TMEM209: variants seen among roughly 807,000 people sequenced by gnomAD.
The protein encoded by TMEM209 is testicular tissue protein Li 202.
A neutral mutation model predicts 76.2 loss-of-function variants in TMEM209; 65 were observed. The ratio of observed to expected loss-of-function variants is 0.85; its 90% CI spans 0.70 to 1.05. The LOEUF (loss-of-function observed/expected upper bound fraction) is 1.05, where lower values mean the gene tolerates loss of function less well. Among genes scored for constraint, TMEM209 ranks in the 50% least tolerant of loss-of-function variants. TMEM209 has a pLI of 0.00. For missense variants in TMEM209, 623 were observed against 685.5 expected, an observed-to-expected ratio of 0.91 and a Z score of 1.02; for synonymous variants, 239 against 237.6, an observed-to-expected ratio of 1.01 and a Z score of -0.06.
intron 10 of TMEM209, among the ~76,000 whole-genome samples, chr7:130,176,279 A>ATT (rs752228646): frequency 2.1e-5 from 3 of 143,374 alleles, no homozygotes; most frequent in Admixed American, 6.9e-5. Context: ...CGCCCAGCTA[A>ATT]TTTTTTTTTT....
chr7:130,173,824 C>T lies in TMEM209; in HGVS notation c.1459+1G>A, dbSNP rs1416261260. On this transcript the variant is annotated splice_donor_variant, in intron 12 of 14. Transcript: ENST00000397622. LOFTEE classifies it high-confidence loss of function. ...CACATTCTTTTAGGAGAGGTTTATA[C>T]CTGGTTTATTTGGTGTCTGAACAAA... 6.2e-7 allele frequency: 1 copy of T among 1,612,962 alleles called. No individual in the cohort carries two copies. Among genetic ancestry groups the T allele is most frequent in the Admixed American group, 1.7e-5 (1 of 60,004 alleles).
chr7:130,170,495 CA>C, intron 13 of TMEM209, 22 bp from the exon 14 acceptor site: 3 of 1,596,270 alleles, frequency 1.9e-6, no homozygotes, highest in Non-Finnish European at 2.6e-6. Context: ...ACAAAAAAGA[CA>C]AGATTTAAAC....
intron 8 of TMEM209, among the ~76,000 whole-genome samples, chr7:130,183,853 C>T (rs1034552313): frequency 1.3e-5 from 2 of 152,040 alleles, no homozygotes; most frequent in Non-Finnish European, 2.9e-5. Flanking sequence ...TTTTGTTTCC[C>T]CTCACAATTC....
chr7:130,180,434 T>G (rs1250668036), intron 9 of TMEM209, among the ~76,000 whole-genome samples: 1 of 152,092 alleles, frequency 6.6e-6, no homozygotes, highest in African/African-American at 2.4e-5. Context: ...CCCCAGACGA[T>G]CTCGGCTCAC....
At chr7:130,180,406 C>T (rs566128470) in intron 9 of TMEM209, among the ~76,000 whole-genome samples, 13 of 152,076 alleles carry the variant, frequency 8.5e-5, no homozygotes, top group African/African-American at 1.2e-4. Flanking sequence ...CTCAAAGTCT[C>T]GAAGTCTCGC....
intron 6 of TMEM209, among the ~76,000 whole-genome samples, chr7:130,186,816 A>G (rs1314385059): frequency 6.6e-6 from 1 of 152,098 alleles, no homozygotes; most frequent in African/African-American, 2.4e-5. Context: ...AACAGCACAC[A>G]ATCTATAGCT....
intron 1 of TMEM209, 63 bp downstream of exon 1, chr7:130,205,310 G>C (rs1450410721): frequency 3.1e-6 from 5 of 1,613,478 alleles, no homozygotes; most frequent in Admixed American, 1.7e-5. Flanking sequence ...CAGCAGGCGC[G>C]GAACTCCCAC....
At chr7:130,201,687 T>C in intron 5 of TMEM209, 163 bp downstream of exon 5, 2 of 843,818 alleles carry the variant, frequency 2.4e-6, no homozygotes, top group Non-Finnish European at 1.8e-6. Context: ...CATTTTAAGA[T>C]GTTGTGTTTA....
rs1000672080 is a variant in TMEM209 at position 130,192,405 on chromosome 7, C to T, written c.775+217G>A. 7 of 516,412 alleles carry T rather than the reference C, an allele frequency of 1.4e-5. No individual in the cohort carries two copies. The South Asian group carries it at 1.5e-4, about 11-fold the overall frequency. 32.0% of individuals were successfully genotyped at this position (516,412 alleles called of 1,614,324 possible). On this transcript the variant is annotated intron_variant, in intron 6 of 14. Coordinates refer to ENST00000397622, the MANE Select transcript of TMEM209 (RefSeq NM_032842.4). Reference sequence around the variant, plus strand: ...TACATTATACGAAAAAGCTTTCAATCTTATTGTAGGTTTGAGATTTCTTAG... The same window carrying T: ...TACATTATACGAAAAAGCTTTCAATTTTATTGTAGGTTTGAGATTTCTTAG...
In TMEM209 at chr7:130,192,541, G is replaced by C. The variant is rs1385394758; in HGVS notation, c.775+81C>G. The C allele has an allele frequency of 1.2e-5, 14 of 1,170,714 alleles. 1 individual carries two copies. The Admixed American group carries it at 1.4e-4, about 12-fold the overall frequency. 72.5% of individuals were successfully genotyped at this position (1,170,714 alleles called of 1,614,324 possible). A position where few individuals can be genotyped will look rare whatever the true frequency, so the allele number is the denominator to read the frequency against. On this transcript the variant is annotated intron_variant, in intron 6 of 14. Transcript: ENST00000397622. ...CTAAGCTAATAAAGTATGTTAGTATGGATATTAAAATAATGAAAATAGTAG... is the reference window on the plus strand; with the variant it reads ...CTAAGCTAATAAAGTATGTTAGTATCGATATTAAAATAATGAAAATAGTAG...
At chr7:130,184,303 G>T in intron 7 of TMEM209, 48 bp from the exon 8 acceptor site, 1 of 1,336,180 alleles carries the variant, frequency 7.5e-7, no homozygotes. Context: ...GAAAAATCTT[G>T]ATAGAAATCA....
chr7:130,173,605 A>T (rs946022895), intron 13 of TMEM209, 27 bp downstream of exon 13: 1 of 1,526,104 alleles, frequency 6.6e-7, no homozygotes. Flanking sequence ...GACATTCTGT[A>T]ACAGCATCTT....
In TMEM209 at chr7:130,201,753, C is replaced by T. The variant is rs189471827; in HGVS notation, c.573+97G>A. ...TGGGTGTTCTGGGCAAATCAACTCT[C>T]AGTTTGCTCACTGATAAGTTTTGAC... is the stretch of plus-strand genomic sequence containing the variant. On this transcript the variant is annotated intron_variant, in intron 5 of 14. Coordinates refer to ENST00000397622, the MANE Select transcript of TMEM209 (RefSeq NM_032842.4). 3.4e-6 allele frequency: 5 copies of T among 1,465,566 alleles called. No individual in the cohort carries two copies. The Admixed American group carries it at 1.1e-4, about 31-fold the overall frequency. 90.8% of individuals were successfully genotyped at this position (1,465,566 alleles called of 1,614,324 possible).
intron 2 of TMEM209, 40 bp downstream of exon 2, chr7:130,203,934 G>C: frequency 6.2e-7 from 1 of 1,606,092 alleles, no homozygotes; most frequent in Non-Finnish European, 8.5e-7. Context: ...CCAGCCACTG[G>C]CTTCTTAAAG....
At chr7:130,192,537 G>T in intron 6 of TMEM209, 85 bp downstream of exon 6, 1 of 1,122,600 alleles carries the variant, frequency 8.9e-7, no homozygotes, top group Non-Finnish European at 1.3e-6. Flanking sequence ...AAGTATGTTA[G>T]TATGGATATT....
At position 130,203,961 on chromosome 7, in the gene TMEM209, C is replaced by A. The variant is rs770786643; in HGVS notation, c.140+13G>T. 1.2e-6 allele frequency: 2 copies of A among 1,608,922 alleles called. No homozygotes were observed. The highest frequency in any genetic ancestry group is 3.4e-5 in the Admixed American group (2 of 58,854). ...TTCTTAAAGTTTCACTTTTTTTGGA[C>A]TGATTCACTTACATTTCAGTATATA... is the stretch of plus-strand genomic sequence containing the variant. On this transcript the variant is annotated intron_variant, in intron 2 of 14. Transcript: ENST00000397622.
chr7:130,191,228 A>C (rs1161521504), intron 6 of TMEM209, among the ~76,000 whole-genome samples: 1 of 151,890 alleles, frequency 6.6e-6, no homozygotes, highest in African/African-American at 2.4e-5. Flanking sequence ...AGCCTAAGAG[A>C]TAAAGATAAG....
rs746569941 is a variant in TMEM209 at position 130,192,744 on chromosome 7, C to T, written c.653G>A (p.Arg218His). The change falls in exon 6 of 15, where the codon CGC (arginine) becomes CAC (histidine). Residue 218 changes from arginine to histidine, a missense_variant. Physicochemically the swap from Arg to His is conservative, Grantham distance 29. Transcript: ENST00000397622. ...GPVESSGLRS[R>H]YRSSPTVYNS... ...GTAGACGGTAGGTGAAGAACGGTAG[C>T]GAGATCTCAATCCACTGCTCTCCAC... 3.1e-6 allele frequency: 5 copies of T among 1,613,758 alleles called. No homozygotes were observed. Among genetic ancestry groups the T allele is most frequent in the Admixed American group, 3.3e-5 (2 of 59,992 alleles).
intron 13 of TMEM209, 34 bp from the exon 14 acceptor site, chr7:130,170,507 C>A: frequency 6.4e-7 from 1 of 1,557,074 alleles, no homozygotes; most frequent in South Asian, 1.1e-5. Flanking sequence ...AGATTTAAAC[C>A]AAATGAAAAA....
Sources: allele counts gnomAD v4.1 joint callset (sites outside exome capture counted in the v4.1 genomes callset), GRCh38; gene constraint gnomAD v4.1.1; transcripts MANE v1.5; gene names NCBI Gene and HGNC (gene_info 2026-07-23, HGNC 2026-07-21).